Variants in ANO2 observed in about 807,000 individuals in gnomAD.
The protein encoded by ANO2 is anoctamin-2.
In ANO2, 101 loss-of-function variants were observed where a neutral mutation model predicts 124.2. The ratio of observed to expected loss-of-function variants is 0.81; its 90% CI spans 0.69 to 0.96. The LOEUF (loss-of-function observed/expected upper bound fraction) is 0.96, where lower values mean the gene tolerates loss of function less well. Ranked by LOEUF, ANO2 falls within the 40% of genes least tolerant of loss-of-function variation. ANO2 has a pLI of 0.00. For missense variants in ANO2, 1,293 were observed against 1,274.5 expected (o/e 1.01, Z -0.22); for synonymous variants, 486 against 482.5 (o/e 1.01, Z -0.09).
intron 20 of ANO2, among the ~76,000 whole-genome samples, chr12:5,587,686 T>C (rs1943186358): frequency 6.6e-6 from 1 of 152,124 alleles, no homozygotes; most frequent in Non-Finnish European, 1.5e-5. Flanking sequence ...GGAAAAGGTT[T>C]GATATTGGAG....
At chr12:5,909,791 C>A (rs1381542532) in intron 3 of ANO2, among the ~76,000 whole-genome samples, 1 of 152,196 alleles carries the variant, frequency 6.6e-6, no homozygotes, top group African/African-American at 2.4e-5. Flanking sequence ...GATCTCCCTT[C>A]ATACAGCAGC....
intron 10 of ANO2, among the ~76,000 whole-genome samples, chr12:5,757,490 C>T (rs1473795021): frequency 6.6e-6 from 1 of 152,120 alleles, no homozygotes; most frequent in Non-Finnish European, 1.5e-5. Context: ...TTCCCAAAAG[C>T]CTGTGACGTA....
chr12:5,945,316 G>A, upstream of ANO2: 5 of 1,055,184 alleles, frequency 4.7e-6, no homozygotes, highest in Non-Finnish European at 5.8e-6. Context: ...CCGTCCCGGC[G>A]CGCCCGCCCC....
In ANO2 at chr12:5,807,311, A is replaced by T; in HGVS notation, c.948+2T>A. The T allele has an allele frequency of 6.4e-7, 1 of 1,552,752 alleles. No individual in the cohort carries two copies. Among genetic ancestry groups the T allele is most frequent in the Non-Finnish European group, 8.7e-7 (1 of 1,147,804 alleles). ...GAGCACGCTGATGAAAATAGTACTT[A>T]CGTCATGAAGAGGGTAGGCAGCCTC... On this transcript the variant is annotated splice_donor_variant, in intron 8 of 24. Coordinates refer to ENST00000682330, the MANE Select transcript of ANO2 (RefSeq NM_001364791.2). LOFTEE classifies it high-confidence loss of function.
At chr12:5,598,020 G>A (rs575618669) in intron 20 of ANO2, among the ~76,000 whole-genome samples, 1 of 152,288 alleles carries the variant, frequency 6.6e-6, no homozygotes, top group Admixed American at 6.5e-5. Flanking sequence ...GCTTTCCCTA[G>A]AATTGTAGAC....
intron 3 of ANO2, 59 bp downstream of exon 3, chr12:5,920,979 TAG>T: frequency 6.5e-7 from 1 of 1,539,106 alleles, no homozygotes; most frequent in Non-Finnish European, 8.8e-7. Flanking sequence ...CACTGCTCAC[TAG>T]GAGCCCGGTT....
intron 4 of ANO2, among the ~76,000 whole-genome samples, chr12:5,836,569 C>T (rs1954325882): frequency 6.6e-6 from 1 of 152,180 alleles, no homozygotes; most frequent in Non-Finnish European, 1.5e-5. Context: ...AACAGTCACC[C>T]ACTGCTCTTA....
intron 20 of ANO2, among the ~76,000 whole-genome samples, chr12:5,586,331 C>T (rs1048935703): frequency 6.6e-6 from 1 of 152,214 alleles, no homozygotes; most frequent in African/African-American, 2.4e-5. Context: ...CTCGATGCTG[C>T]CTCAATTGTG....
intron 1 of ANO2, among the ~76,000 whole-genome samples, chr12:5,934,293 C>A (rs972658392): frequency 6.6e-6 from 1 of 152,140 alleles, no homozygotes; most frequent in African/African-American, 2.4e-5. Context: ...CAATGCTGTG[C>A]AAAAGGAAGA....
chr12:5,873,256 T>A (rs1415367824), intron 3 of ANO2, among the ~76,000 whole-genome samples: 1 of 151,564 alleles, frequency 6.6e-6, no homozygotes, highest in Non-Finnish European at 1.5e-5. Flanking sequence ...TGTCTGTCTC[T>A]CTCCCTTTCT....
intron 1 of ANO2, 66 bp from the exon 2 acceptor site, chr12:5,922,870 A>AC: frequency 7.3e-7 from 1 of 1,372,038 alleles, no homozygotes; most frequent in South Asian, 1.6e-5. Flanking sequence ...ACACTGAGGT[A>AC]CTGAGTGTAC....
At chr12:5,715,494 C>T (rs924121481) in intron 14 of ANO2, among the ~76,000 whole-genome samples, 7 of 152,080 alleles carry the variant, frequency 4.6e-5, no homozygotes, top group Admixed American at 4.6e-4. Flanking sequence ...TAAATTTCTC[C>T]CTAGCCAGAA....
rs148222201 is a variant in ANO2, at chr12:5,920,736, G to A, written c.534+304C>T. Among the ~76,000 whole-genome samples, 938 of 152,152 alleles carry A rather than the reference G, an allele frequency of 6.2e-3. 11 individuals carry two copies. Among genetic ancestry groups the A allele is most frequent in the African/African-American group, 0.022 (897 of 41,504 alleles). On this transcript the variant is annotated intron_variant, in intron 3 of 24. Coordinates refer to ENST00000682330, the MANE Select transcript of ANO2 (RefSeq NM_001364791.2). ...CAAAAAATTAGCTGGGTCTGGTGGC[G>A]GGCGCCTATAGTCCCAGCTACTCGG... is the stretch of plus-strand genomic sequence containing the variant.
chr12:5,928,502 T>TC lies in ANO2; in HGVS notation c.23-5699_23-5698insG, dbSNP rs1323014474. On this transcript the variant is annotated intron_variant, in intron 1 of 24. Transcript: ENST00000682330. ...CTACTTTCCTTCCTCACTGGTCTAC[T>TC]TTCCTTCCTCTCTAGTCTACCTTCC... Among the ~76,000 whole-genome samples, 25 of 141,396 alleles carry TC rather than the reference T, an allele frequency of 1.8e-4. 1 individual carries two copies. Among genetic ancestry groups the TC allele is most frequent in the Admixed American group, 3.0e-4 (4 of 13,510 alleles). 92.8% of individuals were successfully genotyped at this position (141,396 alleles called of 152,430 possible). A position where few individuals can be genotyped will look rare whatever the true frequency, so the allele number is the denominator to read the frequency against.
At chr12:5,678,617 C>A (rs1002850852) in intron 14 of ANO2, among the ~76,000 whole-genome samples, 1 of 152,106 alleles carries the variant, frequency 6.6e-6, no homozygotes. Flanking sequence ...TTCTGTGCTA[C>A]GTGGAATTAG....
At chr12:5,642,914 C>T (rs1946453603) in intron 15 of ANO2, among the ~76,000 whole-genome samples, 1 of 152,158 alleles carries the variant, frequency 6.6e-6, no homozygotes, top group African/African-American at 2.4e-5. Context: ...AGAATGTTTC[C>T]CCTAGAATAT....
intron 14 of ANO2, among the ~76,000 whole-genome samples, chr12:5,673,343 T>A (rs1464229426): frequency 6.6e-6 from 1 of 152,128 alleles, no homozygotes; most frequent in Non-Finnish European, 1.5e-5. Context: ...TTCCCGCTTG[T>A]CTCCTGGGTC....
At chr12:5,721,117 G>T (rs1320479199) in intron 14 of ANO2, among the ~76,000 whole-genome samples, 2 of 152,078 alleles carry the variant, frequency 1.3e-5, no homozygotes, top group Non-Finnish European at 2.9e-5. Context: ...GAAGTTGTAG[G>T]GTTTATTTTT....
At chr12:5,942,947 AG>A (rs1421433270) in intron 1 of ANO2, among the ~76,000 whole-genome samples, 1 of 152,192 alleles carries the variant, frequency 6.6e-6, no homozygotes, top group African/African-American at 2.4e-5. Flanking sequence ...GCTATAACTA[AG>A]AAGTCAAAAA....
Sources: allele counts gnomAD v4.1 joint callset (sites outside exome capture counted in the v4.1 genomes callset), GRCh38; gene constraint gnomAD v4.1.1; transcripts MANE v1.5; gene names NCBI Gene and HGNC (gene_info 2026-07-23, HGNC 2026-07-21).